RAB11FIP4: variants seen among roughly 807,000 people sequenced by gnomAD.
RAB11FIP4 encodes RAB11 family interacting protein 4, also known as rab11 family-interacting protein 4.
In RAB11FIP4, 23 loss-of-function variants were observed where a neutral mutation model predicts 74.3. The observed-to-expected ratio is 0.31, with a 90% CI of 0.22 to 0.44. The LOEUF (loss-of-function observed/expected upper bound fraction) is 0.44, where lower values mean the gene tolerates loss of function less well. Among genes scored for constraint, RAB11FIP4 ranks in the 20% least tolerant of loss-of-function variants. The probability of loss-of-function intolerance (pLI) is 1.00; values close to 1 mark genes in which losing one functional copy is unlikely to be tolerated. For synonymous variants in RAB11FIP4, 360 were observed against 359.9 expected (o/e 1.00, Z 0.00); for missense variants, 630 against 863.9 (o/e 0.73, Z 3.39).
chr17:31,434,001 C>T (rs765174970), intron 2 of RAB11FIP4, 33 bp from the exon 3 acceptor site: 48 of 1,557,048 alleles, frequency 3.1e-5, no homozygotes, highest in Non-Finnish European at 4.0e-5. Flanking sequence ...GGCTCAACCC[C>T]TCACTGTCCC....
intron 1 of RAB11FIP4, among the ~76,000 whole-genome samples, chr17:31,427,263 C>T (rs568362457): frequency 1.8e-4 from 27 of 152,324 alleles, no homozygotes; most frequent in African/African-American, 6.5e-4. Flanking sequence ...GCCCGGCTGG[C>T]CTGGCACTTT....
chr17:31,495,119 C>G (rs1029804027), intron 3 of RAB11FIP4, among the ~76,000 whole-genome samples: 4 of 152,212 alleles, frequency 2.6e-5, no homozygotes. Context: ...ACTGCCAGCC[C>G]CCAGCATCTG....
intron 3 of RAB11FIP4, among the ~76,000 whole-genome samples, chr17:31,478,181 C>T (rs1597941413): frequency 6.6e-6 from 1 of 151,842 alleles, no homozygotes; most frequent in African/African-American, 2.4e-5. Context: ...TTAGTAGAGA[C>T]GGGGTTTCAC....
At chr17:31,449,722 A>G (rs554771359) in intron 3 of RAB11FIP4, among the ~76,000 whole-genome samples, 2 of 150,884 alleles carry the variant, frequency 1.3e-5, no homozygotes, top group East Asian at 3.9e-4. Flanking sequence ...TATTTTTTGT[A>G]GAGATGGGGG....
At chr17:31,445,258 T>C (rs2071440051) in intron 3 of RAB11FIP4, among the ~76,000 whole-genome samples, 1 of 152,058 alleles carries the variant, frequency 6.6e-6, no homozygotes, top group Non-Finnish European at 1.5e-5. Flanking sequence ...TGAATCCACA[T>C]ATATCCTTTG....
chr17:31,528,645 T>C lies in RAB11FIP4; in HGVS notation c.1520T>C (p.Leu507Pro). The stretch of plus-strand genomic sequence containing the variant: ...CTCATCGAGGACTTGCGGAAGGAGC[T>C]GGAGCACCTGCAGATGTACAAGCTG... ...QELIEDLRKE[L>P]EHLQMYKLDC... The change falls in exon 13 of 15, where the codon CTG becomes CCG. Residue 507 changes from leucine (L) to proline (P), a missense_variant. Transcript: ENST00000621161. 3.1e-6 allele frequency: 5 copies of C among 1,613,574 alleles called. No homozygotes were observed. The highest frequency in any genetic ancestry group is 4.2e-6 in the Non-Finnish European group (5 of 1,179,878).
At chr17:31,394,072 G>A (rs879757171) in intron 1 of RAB11FIP4, among the ~76,000 whole-genome samples, 3 of 152,096 alleles carry the variant, frequency 2.0e-5, no homozygotes, top group Admixed American at 2.0e-4. Flanking sequence ...TCCACCCTTC[G>A]GGGAGGGTCA....
Position 31,524,949 on chromosome 17 carries a change from C to T in RAB11FIP4, c.1134-141C>T, listed in dbSNP as rs2072737079. 5.2e-6 allele frequency: 5 copies of T among 967,158 alleles called. No homozygotes were observed. In the South Asian group the frequency reaches 7.5e-5, roughly 15 times the overall value. The allele number at this position is 967,158 out of a possible 1,614,324, so 59.9% of individuals were successfully genotyped here. On this transcript the variant is annotated intron_variant, in intron 9 of 14. Transcript: ENST00000621161. ...ATATGTGCGGTGTCCCCGTTCATCT[C>T]TCTGAAAGCTACTGGCCCACACGCC... is the stretch of plus-strand genomic sequence containing the variant.
chr17:31,506,553 T>C (rs1597965950), intron 3 of RAB11FIP4, among the ~76,000 whole-genome samples: 1 of 152,170 alleles, frequency 6.6e-6, no homozygotes, highest in Non-Finnish European at 1.5e-5. Context: ...TCTCCTACCC[T>C]CTCCAGCCTC....
intron 3 of RAB11FIP4, among the ~76,000 whole-genome samples, chr17:31,479,764 A>G (rs924287803): frequency 2.6e-5 from 4 of 152,162 alleles, no homozygotes; most frequent in East Asian, 1.9e-4. Context: ...TAAAAACAGC[A>G]TACCTACTCT....
chr17:31,502,147 C>T (rs2072233458), intron 3 of RAB11FIP4, among the ~76,000 whole-genome samples: 1 of 150,316 alleles, frequency 6.7e-6, no homozygotes, highest in Admixed American at 6.6e-5. Flanking sequence ...TCACTTGAAC[C>T]CAGGAGGGGG....
At chr17:31,393,556 A>G (rs974941868) in intron 1 of RAB11FIP4, among the ~76,000 whole-genome samples, 1 of 152,194 alleles carries the variant, frequency 6.6e-6, no homozygotes, top group African/African-American at 2.4e-5. Context: ...CCAGCTGGAC[A>G]GTTCCTGCCA....
At chr17:31,489,415 G>T (rs1311020091) in intron 3 of RAB11FIP4, among the ~76,000 whole-genome samples, 1 of 151,936 alleles carries the variant, frequency 6.6e-6, no homozygotes, top group Non-Finnish European at 1.5e-5. Flanking sequence ...CAATGGGAGC[G>T]CTCTCACTCC....
At chr17:31,487,349 G>C (rs554041054) in intron 3 of RAB11FIP4, among the ~76,000 whole-genome samples, 1 of 152,226 alleles carries the variant, frequency 6.6e-6, no homozygotes, top group East Asian at 1.9e-4. Context: ...CAAACTCCTG[G>C]CCTCAAAGAT....
rs1038928436 is a variant in RAB11FIP4, at chr17:31,537,933, G to A, written c.*6201G>A. 6 of 152,672 alleles carry A rather than the reference G, an allele frequency of 3.9e-5. No homozygotes were observed. The highest frequency in any genetic ancestry group is 1.4e-4 in the African/African-American group (6 of 41,464). 9.5% of individuals were successfully genotyped at this position (152,672 alleles called of 1,614,324 possible). ...ACTACACATGTGGCCTCATGCCCAA[G>A]GGTTTGTTAGATGGCCTCTGACTCT... is the stretch of plus-strand genomic sequence containing the variant. On this transcript the variant is annotated 3_prime_UTR_variant, in exon 15 of 15. Coordinates refer to ENST00000621161, the MANE Select transcript of RAB11FIP4 (RefSeq NM_032932.6).
intron 1 of RAB11FIP4, among the ~76,000 whole-genome samples, chr17:31,431,160 C>T (rs764182768): frequency 1.3e-5 from 2 of 152,100 alleles, no homozygotes; most frequent in South Asian, 2.1e-4. Flanking sequence ...ATGAACCCAC[C>T]GGGCAGAATG....
intron 3 of RAB11FIP4, among the ~76,000 whole-genome samples, chr17:31,470,860 T>C (rs1370879778): frequency 6.6e-6 from 1 of 152,158 alleles, no homozygotes; most frequent in Non-Finnish European, 1.5e-5. Flanking sequence ...ATGGCACTCA[T>C]CATAAAGGCT....
intron 3 of RAB11FIP4, among the ~76,000 whole-genome samples, chr17:31,499,843 G>GGACT (rs1016017849): frequency 4.7e-4 from 71 of 152,234 alleles, no homozygotes; most frequent in African/African-American, 1.7e-3. Context: ...AGGTGATGGG[G>GGACT]GACTGAAAGC....
chr17:31,481,714 CA>C (rs1296378024), intron 3 of RAB11FIP4, among the ~76,000 whole-genome samples: 1 of 152,156 alleles, frequency 6.6e-6, no homozygotes, highest in Non-Finnish European at 1.5e-5. Context: ...CTGAATGAGT[CA>C]GGGGGCTTGT....
Sources: allele counts gnomAD v4.1 joint callset (sites outside exome capture counted in the v4.1 genomes callset), GRCh38; gene constraint gnomAD v4.1.1; transcripts MANE v1.5; gene names NCBI Gene and HGNC (gene_info 2026-07-23, HGNC 2026-07-21).